The following CCDC191 variants were observed in gnomAD, a reference collection of about 807,000 sequenced individuals.
CCDC191 encodes coiled-coil domain-containing protein 191.
In CCDC191, 99 loss-of-function variants were observed where a neutral mutation model predicts 114.0. The observed-to-expected ratio is 0.87, with a 90% CI of 0.74 to 1.03. CCDC191 has a LOEUF of 1.03. Ranked by LOEUF, CCDC191 falls within the 50% of genes least tolerant of loss-of-function variation. CCDC191 has a pLI of 0.00. For synonymous variants in CCDC191, 351 were observed against 376.0 expected, an observed-to-expected ratio of 0.93 and a Z score of 0.77; for missense variants, 973 against 1,087.0, an observed-to-expected ratio of 0.90 and a Z score of 1.47.
At chr3:114,035,172 G>A (rs761430643) in intron 5 of CCDC191, 24 bp from the exon 6 acceptor site, 2 of 1,551,434 alleles carry the variant, frequency 1.3e-6, no homozygotes, top group South Asian at 1.1e-5. Flanking sequence ...TAATAAAGAT[G>A]AAGTGTGGCC....
chr3:114,002,539 C>T lies in CCDC191; in HGVS notation c.1979-1G>A. On this transcript the variant is annotated splice_acceptor_variant, in intron 11 of 16. Transcript: ENST00000295878. LOFTEE classifies it high-confidence loss of function. ...CGTTGAATTGCTCTCTCTTCCATAG[C>T]TAGAAAATAGTAACAGAGTTCTAAT... 6.2e-7 allele frequency: 1 copy of T among 1,602,478 alleles called. No individual in the cohort carries two copies. Among genetic ancestry groups the T allele is most frequent in the East Asian group, 2.3e-5 (1 of 44,438 alleles).
intron 5 of CCDC191, among the ~76,000 whole-genome samples, chr3:114,036,179 C>T (rs920053537): frequency 4.6e-5 from 7 of 152,080 alleles, no homozygotes; most frequent in Non-Finnish European, 1.0e-4. Flanking sequence ...ATCTGTCTTC[C>T]ATTTTAAATT....
intron 3 of CCDC191, among the ~76,000 whole-genome samples, chr3:114,045,129 A>T (rs980514825): frequency 6.6e-6 from 1 of 152,084 alleles, no homozygotes; most frequent in Non-Finnish European, 1.5e-5. Context: ...CAACTGCAGG[A>T]CTTCTCAAAA....
chr3:113,999,028 A>G (rs780651558), intron 13 of CCDC191, among the ~76,000 whole-genome samples: 1 of 152,168 alleles, frequency 6.6e-6, no homozygotes, highest in Non-Finnish European at 1.5e-5. Flanking sequence ...TTATAGCACC[A>G]GCTAGGTGGC....
At chr3:113,996,750 A>G (rs150580203) in intron 13 of CCDC191, among the ~76,000 whole-genome samples, 5,438 of 152,090 alleles carry the variant, frequency 0.036, 338 homozygotes, top group African/African-American at 0.12. Context: ...AAGCCATCAT[A>G]CTCAGCAAAC....
At chr3:114,014,509 G>A (rs2076126063) in intron 8 of CCDC191, among the ~76,000 whole-genome samples, 2 of 152,126 alleles carry the variant, frequency 1.3e-5, no homozygotes, top group Non-Finnish European at 2.9e-5. Context: ...AATATCTGAC[G>A]GCCTATTTTC....
At chr3:114,038,468 C>A (rs956472124) in intron 4 of CCDC191, among the ~76,000 whole-genome samples, 1 of 152,138 alleles carries the variant, frequency 6.6e-6, no homozygotes, top group Non-Finnish European at 1.5e-5. Flanking sequence ...CACTAACAGT[C>A]GTATAAAAGT....
At chr3:114,041,903 T>C (rs1221113849) in intron 4 of CCDC191, among the ~76,000 whole-genome samples, 4 of 150,632 alleles carry the variant, frequency 2.7e-5, no homozygotes, top group East Asian at 3.9e-4. Context: ...TTCTCTCCTC[T>C]GGAAAAAAAA....
At chr3:113,983,002 C>T (rs1404631052) in intron 13 of CCDC191, among the ~76,000 whole-genome samples, 2 of 152,096 alleles carry the variant, frequency 1.3e-5, no homozygotes, top group Non-Finnish European at 2.9e-5. Context: ...TCTAGTTCCT[C>T]ACCTATTCTC....
intron 8 of CCDC191, among the ~76,000 whole-genome samples, chr3:114,014,579 G>T (rs1025339178): frequency 2.0e-5 from 3 of 152,166 alleles, no homozygotes; most frequent in Non-Finnish European, 4.4e-5. Context: ...ACCCTGACCT[G>T]TTCCTACGCA....
At chr3:114,053,538 C>A in intron 2 of CCDC191, 59 bp downstream of exon 2, 1 of 995,538 alleles carries the variant, frequency 1.0e-6, no homozygotes, top group South Asian at 1.6e-5. Context: ...TATTTCTTTT[C>A]CATCTGATTA....
At chr3:114,004,493 C>T (rs2075910385) in intron 11 of CCDC191, 144 bp downstream of exon 11, 4 of 1,434,908 alleles carry the variant, frequency 2.8e-6, no homozygotes, top group Non-Finnish European at 3.7e-6. Context: ...CCACTCCTCA[C>T]ATGTCTACCA....
intron 13 of CCDC191, among the ~76,000 whole-genome samples, chr3:113,996,888 G>A (rs760242274): frequency 1.1e-4 from 17 of 151,920 alleles, no homozygotes; most frequent in Non-Finnish European, 2.4e-4. Context: ...GGGGGCAAGG[G>A]GAGGGAGAGC....
intron 13 of CCDC191, among the ~76,000 whole-genome samples, chr3:113,996,191 A>G (rs968239277): frequency 2.0e-5 from 3 of 152,064 alleles, no homozygotes; most frequent in African/African-American, 7.2e-5. Context: ...GCCCATGCCT[A>G]TGTCCTGAAT....
intron 1 of CCDC191, 46 bp downstream of exon 1, chr3:114,056,331 C>A: frequency 6.3e-7 from 1 of 1,587,148 alleles, no homozygotes; most frequent in African/African-American, 1.3e-5. Flanking sequence ...GACTGCGCCG[C>A]GCCTTGGGAA....
At chr3:114,003,444 G>A (rs2075891319) in intron 11 of CCDC191, 1 of 985,382 alleles carries the variant, frequency 1.0e-6, no homozygotes, top group Non-Finnish European at 1.2e-6. Flanking sequence ...GCCACAGATG[G>A]CGAGAGTGAA....
intron 13 of CCDC191, among the ~76,000 whole-genome samples, chr3:113,981,113 T>C (rs1390313812): frequency 6.6e-6 from 1 of 152,184 alleles, no homozygotes; most frequent in Non-Finnish European, 1.5e-5. Context: ...AATCAGGATT[T>C]TCCCCCTCAT....
chr3:114,056,307 G>A (rs1234931884), intron 1 of CCDC191, 70 bp downstream of exon 1: 2 of 1,468,936 alleles, frequency 1.4e-6, no homozygotes, highest in Non-Finnish European at 1.9e-6. Context: ...CAGACGGGCC[G>A]CGACTGGCTT....
intron 7 of CCDC191, among the ~76,000 whole-genome samples, chr3:114,027,610 A>G (rs1350846030): frequency 6.7e-6 from 1 of 149,216 alleles, no homozygotes; most frequent in African/African-American, 2.4e-5. Context: ...TCAAAAAAAA[A>G]AAAAAAAAAA....
Sources: gnomAD v4.1 joint callset for allele counts (sites outside exome capture counted in the v4.1 genomes callset) on GRCh38, gnomAD v4.1.1 for gene constraint, MANE v1.5 for transcripts, NCBI Gene and HGNC (gene_info 2026-07-23, HGNC 2026-07-21) for gene names.